The following SLC44A3 variants were observed in gnomAD, a reference collection of about 807,000 sequenced individuals.
SLC44A3 encodes choline transporter-like protein 3.
SLC44A3 carries 74 observed loss-of-function variants against 75.4 expected under a neutral mutation model. The ratio of observed to expected loss-of-function variants is 0.98; its 90% confidence interval spans 0.81 to 1.19. SLC44A3 has a LOEUF of 1.19. Among genes scored for constraint, SLC44A3 ranks in the 50% most tolerant of loss-of-function variants. The pLI is 0.00. For synonymous variants in SLC44A3, 310 were observed against 296.9 expected (o/e 1.04, Z -0.45); for missense variants, 700 against 778.6 (o/e 0.90, Z 1.20).
intron 3 of SLC44A3, 71 bp downstream of exon 3, chr1:94,824,706 G>A: frequency 6.8e-7 from 1 of 1,467,678 alleles, no homozygotes; most frequent in East Asian, 2.4e-5. Context: ...TCATCATTTG[G>A]AGCCTGGAAA....
At chr1:94,862,222 C>G (rs1006354176) in intron 10 of SLC44A3, among the ~76,000 whole-genome samples, 5 of 152,208 alleles carry the variant, frequency 3.3e-5, no homozygotes, top group Non-Finnish European at 7.3e-5. Context: ...CTACAGGGAC[C>G]ACACAGTCCT....
chr1:94,889,240 A>G (rs1384107211), intron 12 of SLC44A3: 1 of 152,094 alleles, frequency 6.6e-6, no homozygotes. Flanking sequence ...TAGACTCCAC[A>G]CTGATTTCCT....
intron 14 of SLC44A3, among the ~76,000 whole-genome samples, chr1:94,892,844 G>A (rs1670370526): frequency 6.6e-6 from 1 of 152,208 alleles, no homozygotes; most frequent in Non-Finnish European, 1.5e-5. Flanking sequence ...CTCATGGCAT[G>A]ATCTGGCCTT....
chr1:94,890,513 G>A (rs2101676447), intron 12 of SLC44A3, among the ~76,000 whole-genome samples: 1 of 152,316 alleles, frequency 6.6e-6, no homozygotes, highest in Admixed American at 6.5e-5. Context: ...TGGAATGGCT[G>A]ACTGAGGCTG....
intron 9 of SLC44A3, among the ~76,000 whole-genome samples, chr1:94,852,325 G>T (rs975593969): frequency 2.6e-5 from 4 of 152,140 alleles, no homozygotes; most frequent in Non-Finnish European, 5.9e-5. Context: ...TAAATTTGAC[G>T]ATCAGGGGTG....
rs919618405 is a variant in SLC44A3, at chr1:94,865,916, A to G, written c.1395+1017A>G. Among the ~76,000 whole-genome samples the G allele has an allele frequency of 5.9e-5, 9 of 152,260 alleles. No individual in the cohort carries two copies. In the East Asian group the frequency reaches 1.2e-3, roughly 20 times the overall value. ...AAGATTTAAAGTTAGTTTATCAATT[A>G]GAAGCAATTGATTGGATAACACATA... is the stretch of plus-strand genomic sequence containing the variant. On this transcript the variant is annotated intron_variant, in intron 11 of 14. Coordinates refer to ENST00000271227, the MANE Select transcript of SLC44A3 (RefSeq NM_001114106.3).
At chr1:94,839,592 T>C (rs1557821347) in intron 6 of SLC44A3, among the ~76,000 whole-genome samples, 1 of 152,098 alleles carries the variant, frequency 6.6e-6, no homozygotes, top group Non-Finnish European at 1.5e-5. Flanking sequence ...TTTTGCCAGG[T>C]TGGCCAGGCT....
intron 12 of SLC44A3, among the ~76,000 whole-genome samples, chr1:94,887,145 T>A (rs859064): frequency 0.49 from 74,295 of 151,844 alleles, 19,955 homozygotes; most frequent in Non-Finnish European, 0.61. Flanking sequence ...CCTTGGCACG[T>A]TAATCCTGAG....
At chr1:94,884,466 ATTT>A (rs1033243983) in intron 12 of SLC44A3, among the ~76,000 whole-genome samples, 15 of 151,924 alleles carry the variant, frequency 9.9e-5, no homozygotes, top group Non-Finnish European at 2.9e-5. Context: ...ATTTCACTGT[ATTT>A]TTTTTCAGTT....
At chr1:94,879,126 T>G (rs1265363507) in intron 12 of SLC44A3, among the ~76,000 whole-genome samples, 1 of 151,692 alleles carries the variant, frequency 6.6e-6, no homozygotes, top group Non-Finnish European at 1.5e-5. Context: ...GTGAAAATCA[T>G]CCTATAGAAT....
chr1:94,820,446 CGCACGAT>C lies in SLC44A3; in HGVS notation c.-1_6del. ...CCAGTCACCGGCCCCCGCCGGCGAG[CGCACGAT>C]GCACTGCCTGGGCGCCGAGTACCTG... On this transcript the variant is annotated start_lost and 5_prime_UTR_variant, in exon 1 of 15. Coordinates refer to ENST00000271227, the MANE Select transcript of SLC44A3 (RefSeq NM_001114106.3). The C allele has an allele frequency of 6.8e-7, 1 of 1,461,014 alleles. No homozygotes were observed. Among genetic ancestry groups the C allele is most frequent in the Non-Finnish European group, 9.0e-7 (1 of 1,109,598 alleles). 90.5% of individuals were successfully genotyped at this position (1,461,014 alleles called of 1,614,324 possible).
At chr1:94,856,123 T>C (rs1349640498) in intron 9 of SLC44A3, among the ~76,000 whole-genome samples, 1 of 152,218 alleles carries the variant, frequency 6.6e-6, no homozygotes, top group East Asian at 1.9e-4. Context: ...AAAAAGTTGT[T>C]ACGGTGACCT....
intron 9 of SLC44A3, among the ~76,000 whole-genome samples, chr1:94,848,859 A>AG (rs1664806188): frequency 6.6e-6 from 1 of 152,060 alleles, no homozygotes. Flanking sequence ...TGAGTCAGGG[A>AG]GGGCTTCTTA....
At chr1:94,820,755 C>G in intron 1 of SLC44A3, 194 bp from the exon 2 acceptor site, 1 of 1,390,772 alleles carries the variant, frequency 7.2e-7, no homozygotes, top group Non-Finnish European at 9.3e-7. Flanking sequence ...GCTTAACATC[C>G]GCTCCGCGCA....
At chr1:94,857,253 C>A (rs1321379187) in intron 9 of SLC44A3, 82 bp from the exon 10 acceptor site, 3 of 1,386,658 alleles carry the variant, frequency 2.2e-6, no homozygotes, top group African/African-American at 1.5e-5. Flanking sequence ...AAAGGCCAAG[C>A]ATAAAGAAAC....
At chr1:94,848,443 A>G (rs965613076) in intron 9 of SLC44A3, among the ~76,000 whole-genome samples, 2 of 152,126 alleles carry the variant, frequency 1.3e-5, no homozygotes, top group Admixed American at 6.5e-5. Flanking sequence ...CTAGAGAATC[A>G]TCAGAGAAAC....
intron 12 of SLC44A3, 33 bp from the exon 13 acceptor site, chr1:94,891,097 A>G: frequency 1.3e-6 from 2 of 1,564,550 alleles, no homozygotes; most frequent in Non-Finnish European, 1.7e-6. Context: ...TTGTTATAAG[A>G]ATTATCTTTT....
intron 11 of SLC44A3, among the ~76,000 whole-genome samples, chr1:94,865,220 A>C (rs1667019587): frequency 6.6e-6 from 1 of 152,148 alleles, no homozygotes; most frequent in African/African-American, 2.4e-5. Flanking sequence ...CTTAAGGTGA[A>C]ATTTAAACAA....
chr1:94,883,359 C>T (rs1669208960), intron 12 of SLC44A3, among the ~76,000 whole-genome samples: 1 of 152,072 alleles, frequency 6.6e-6, no homozygotes, highest in Non-Finnish European at 1.5e-5. Flanking sequence ...CAAACTTTGC[C>T]AGGTGTGGTG....
Sources: gnomAD v4.1 joint callset for allele counts (sites outside exome capture counted in the v4.1 genomes callset) on GRCh38, gnomAD v4.1.1 for gene constraint, MANE v1.5 for transcripts, NCBI Gene and HGNC (gene_info 2026-07-23, HGNC 2026-07-21) for gene names.